TFPT: variants seen among roughly 807,000 people sequenced by gnomAD.
TFPT encodes the protein TCF3 fusion partner, also known as INO80 complex subunit F.
TFPT carries 27 observed loss-of-function variants against 28.8 expected under a neutral mutation model. The ratio of observed to expected loss-of-function variants is 0.94; its 90% CI spans 0.69 to 1.29. The LOEUF (loss-of-function observed/expected upper bound fraction) is 1.29. Ranked by LOEUF, TFPT falls within the 50% of genes most tolerant of loss-of-function variation. TFPT has a pLI of 0.00. For missense variants in TFPT, 330 were observed against 338.0 expected (o/e 0.98, Z 0.19); for synonymous variants, 152 against 142.8 (o/e 1.06, Z -0.46).
In TFPT at chr19:54,108,399, CT is replaced by C; in HGVS notation, c.354-5del. On this transcript the variant is annotated splice_region_variant and splice_polypyrimidine_tract_variant and intron_variant, in intron 3 of 5. Transcript: ENST00000391759. ...GTCCAGCACTCTCATGAGGAACCTG[CT>C]CAGGGGGAGAAGCCACCAACGGAAT... The C allele has an allele frequency of 4.3e-6, 7 of 1,613,922 alleles. No homozygotes were observed. The highest frequency in any genetic ancestry group is 5.9e-6 in the Non-Finnish European group (7 of 1,179,914).
At chr19:54,108,700 A>C (rs2073356823) in intron 3 of TFPT, 1 of 1,077,038 alleles carries the variant, frequency 9.3e-7, no homozygotes, top group Non-Finnish European at 1.3e-6. Context: ...ACTTAATGTG[A>C]TGTCAGCACT....
At chr19:54,111,964 G>A (rs587755776) in intron 2 of TFPT, among the ~76,000 whole-genome samples, 6 of 151,844 alleles carry the variant, frequency 4.0e-5, no homozygotes, top group Admixed American at 3.3e-4. Context: ...TGGACAACAA[G>A]AGCGAAAATC....
chr19:54,110,405 C>T (rs1041984219), intron 2 of TFPT, among the ~76,000 whole-genome samples: 7 of 152,122 alleles, frequency 4.6e-5, no homozygotes, highest in African/African-American at 7.2e-5. Context: ...CTGTTACCTG[C>T]TCAGAGAGCC....
At chr19:54,111,684 G>GA (rs56412241) in intron 2 of TFPT, among the ~76,000 whole-genome samples, 155 of 119,456 alleles carry the variant, frequency 1.3e-3, no homozygotes, top group Middle Eastern at 9.8e-3. Context: ...TGTCTCAAAA[G>GA]AAAAAAAAAA....
chr19:54,115,577 C>T lies in TFPT; in HGVS notation c.-308G>A. The stretch of plus-strand genomic sequence containing the variant: ...CCGGCCACAGCGATTCTCTGCTTAG[C>T]AGGATCGGTCCACAGCGGGACGTGA... On this transcript the variant is annotated 5_prime_UTR_variant, in exon 1 of 6. Coordinates refer to ENST00000391759, the MANE Select transcript of TFPT (RefSeq NM_013342.4). 1 of 566,532 alleles carries T rather than the reference C, an allele frequency of 1.8e-6. No individual in the cohort carries two copies. The highest frequency in any genetic ancestry group is 3.2e-6 in the Non-Finnish European group (1 of 316,952). 35.1% of individuals were successfully genotyped at this position (566,532 alleles called of 1,614,324 possible).
At chr19:54,112,708 G>T (rs1175081007) in intron 2 of TFPT, among the ~76,000 whole-genome samples, 3 of 152,082 alleles carry the variant, frequency 2.0e-5, no homozygotes, top group Admixed American at 6.6e-5. Context: ...AGGACTGCTT[G>T]AACCTGGGAG....
At chr19:54,110,701 C>CA (rs1214150320) in intron 2 of TFPT, among the ~76,000 whole-genome samples, 27 of 147,910 alleles carry the variant, frequency 1.8e-4, no homozygotes, top group African/African-American at 2.7e-4. Context: ...GGTTCTGTTT[C>CA]AAAAAAAAAA....
chr19:54,110,157 C>T (rs138464380), intron 2 of TFPT, 36 bp from the exon 3 acceptor site: 9 of 1,609,376 alleles, frequency 5.6e-6, no homozygotes, highest in Middle Eastern at 1.7e-4. Context: ...CTGGATCCCA[C>T]GGCTCCCGTT....
intron 5 of TFPT, 136 bp downstream of exon 5, chr19:54,107,890 G>T: frequency 1.2e-6 from 1 of 865,302 alleles, no homozygotes; most frequent in Non-Finnish European, 1.7e-6. Flanking sequence ...CCCTCGGGGT[G>T]CAGAACCAAA....
chr19:54,113,752 C>G (rs2073524352), intron 2 of TFPT, among the ~76,000 whole-genome samples: 1 of 152,228 alleles, frequency 6.6e-6, no homozygotes, highest in African/African-American at 2.4e-5. Context: ...AGTACAGCAG[C>G]ATGATCTTGG....
At position 54,108,357 on chromosome 19, in the gene TFPT, T is replaced by TA; in HGVS notation, c.391dup (p.Tyr131LeufsTer13). Reference sequence around the variant, plus strand: ...CACAATGGTGAACTGGCTGGCCCGGTAGTCATCCCCGTAGGAGTCCAGCAC... The same window carrying TA: ...CACAATGGTGAACTGGCTGGCCCGGTAAGTCATCCCCGTAGGAGTCCAGCAC... On this transcript the variant is annotated frameshift_variant, in exon 4 of 6. Transcript: ENST00000391759. LOFTEE classifies it high-confidence loss of function. The TA allele has an allele frequency of 6.2e-7, 1 of 1,610,708 alleles. No homozygotes were observed.
At chr19:54,111,785 G>A (rs752276907) in intron 2 of TFPT, among the ~76,000 whole-genome samples, 4 of 151,152 alleles carry the variant, frequency 2.6e-5, no homozygotes, top group African/African-American at 9.7e-5. Flanking sequence ...AGGAGTTTGA[G>A]ACCAGCCTAA....
At chr19:54,108,524 C>T in intron 3 of TFPT, 129 bp from the exon 4 acceptor site, 1 of 1,612,732 alleles carries the variant, frequency 6.2e-7, no homozygotes, top group Non-Finnish European at 8.5e-7. Context: ...CGGTCCTGAG[C>T]TCTGGCACTG....
rs587669689 is a variant in TFPT, at chr19:54,108,281, T to TC, written c.424-38dup. ...GAGGGGGAGGTAGGTGATGGGTGGG[T>TC]CCTGAGCTCCCAGTTCCTGACCCTC... is the stretch of plus-strand genomic sequence containing the variant. On this transcript the variant is annotated intron_variant, in intron 4 of 5. Transcript: ENST00000391759. The TC allele has an allele frequency of 3.6e-4, 561 of 1,575,566 alleles. 2 individuals carry two copies. In the African/African-American group the frequency reaches 6.4e-3, roughly 18 times the overall value.
intron 1 of TFPT, 178 bp downstream of exon 1, chr19:54,115,069 A>AC: frequency 1.0e-6 from 1 of 963,638 alleles, no homozygotes; most frequent in Non-Finnish European, 1.5e-6. Flanking sequence ...AGCAGTCCAA[A>AC]CCCCTAACCT....
intron 3 of TFPT, 154 bp downstream of exon 3, chr19:54,109,897 T>C (rs1305162851): frequency 3.3e-5 from 8 of 244,794 alleles, no homozygotes; most frequent in Admixed American, 2.0e-4. Context: ...AATCCCACTC[T>C]TCCTCCTTGT....
Position 54,115,615 on chromosome 19 carries a change from C to T in TFPT, c.-346G>A, listed in dbSNP as rs138038600. 2.8e-4 allele frequency: 122 copies of T among 437,656 alleles called. No homozygotes were observed. The highest frequency in any genetic ancestry group is 1.5e-3 in the African/African-American group (74 of 50,638). The allele number at this position is 437,656 out of a possible 1,614,324, so 27.1% of individuals were successfully genotyped here. On this transcript the variant is annotated 5_prime_UTR_variant, in exon 1 of 6. Transcript: ENST00000391759. ...CAGCGGGACGTGAGTCCCTTTCCTCCTCGCGGCTTACCGCCTCTCTCCGCC... is the reference window on the plus strand; with the variant it reads ...CAGCGGGACGTGAGTCCCTTTCCTCTTCGCGGCTTACCGCCTCTCTCCGCC...
chr19:54,108,514 C>A (rs587717864), intron 3 of TFPT, 119 bp from the exon 4 acceptor site: 2 of 1,613,126 alleles, frequency 1.2e-6, no homozygotes, highest in Admixed American at 1.7e-5. Flanking sequence ...TGGAGCCAGA[C>A]GGTCCTGAGC....
chr19:54,110,940 G>C (rs73062626), intron 2 of TFPT, among the ~76,000 whole-genome samples: 125,905 of 152,236 alleles, frequency 0.83, 52,192 homozygotes, highest in African/African-American at 0.89. Flanking sequence ...GTACATCCTC[G>C]ATGAACATTT....
Sources: allele counts gnomAD v4.1 joint callset (sites outside exome capture counted in the v4.1 genomes callset), GRCh38; gene constraint gnomAD v4.1.1; transcripts MANE v1.5; gene names NCBI Gene and HGNC (gene_info 2026-07-23, HGNC 2026-07-21).